Variants in RGS17 observed in about 807,000 individuals in gnomAD.
The protein encoded by RGS17 is regulator of G-protein signaling 17.
A neutral mutation model predicts 25.5 loss-of-function variants in RGS17; 12 were observed. That is an observed-to-expected ratio of 0.47 (90% CI 0.30 to 0.76). RGS17 has a LOEUF of 0.76. Ranked by LOEUF, RGS17 falls within the 30% of genes least tolerant of loss-of-function variation. RGS17 has a pLI of 0.07. For synonymous variants in RGS17, 71 were observed against 76.9 expected (o/e 0.92, Z 0.40); for missense variants, 196 against 242.2 (o/e 0.81, Z 1.27).
At chr6:153,090,379 G>A (rs1424219718) in intron 1 of RGS17, among the ~76,000 whole-genome samples, 12 of 151,018 alleles carry the variant, frequency 7.9e-5, no homozygotes, top group Admixed American at 5.9e-4. Context: ...TCAGGAGGCC[G>A]AGGCAGTAGG....
intron 1 of RGS17, among the ~76,000 whole-genome samples, chr6:153,088,442 A>G (rs1562330649): frequency 6.6e-6 from 1 of 152,132 alleles, no homozygotes; most frequent in Non-Finnish European, 1.5e-5. Context: ...AACTTGGCCA[A>G]TTATTCATAA....
intron 1 of RGS17, among the ~76,000 whole-genome samples, chr6:153,084,856 G>C (rs573854222): frequency 2.2e-4 from 33 of 152,294 alleles, no homozygotes; most frequent in African/African-American, 7.9e-4. Context: ...ATTCCAAATA[G>C]TGAAAATACG....
At chr6:153,088,449 A>C (rs891208147) in intron 1 of RGS17, among the ~76,000 whole-genome samples, 5 of 152,192 alleles carry the variant, frequency 3.3e-5, no homozygotes, top group Non-Finnish European at 7.3e-5. Context: ...CCAATTATTC[A>C]TAAGTTTACA....
At chr6:153,057,710 T>G (rs968881425) in intron 1 of RGS17, among the ~76,000 whole-genome samples, 3 of 152,230 alleles carry the variant, frequency 2.0e-5, no homozygotes, top group Non-Finnish European at 4.4e-5. Flanking sequence ...CTCACCATAA[T>G]GTAGAGTCAG....
intron 1 of RGS17, among the ~76,000 whole-genome samples, chr6:153,123,211 C>T (rs544336501): frequency 6.6e-6 from 1 of 152,070 alleles, no homozygotes; most frequent in East Asian, 1.9e-4. Context: ...TTTGATCATA[C>T]TAAACTCATA....
chr6:153,074,585 A>T (rs1163846710), intron 1 of RGS17, among the ~76,000 whole-genome samples: 1 of 152,200 alleles, frequency 6.6e-6, no homozygotes, highest in African/African-American at 2.4e-5. Flanking sequence ...AGATGGAATT[A>T]AAAAATGTTT....
chr6:153,022,292 G>T (rs1048632873), intron 4 of RGS17, among the ~76,000 whole-genome samples: 1 of 152,268 alleles, frequency 6.6e-6, no homozygotes, highest in South Asian at 2.1e-4. Flanking sequence ...AATCACTATT[G>T]TAACTCTAAA....
chr6:153,041,682 T>C (rs565465390), intron 2 of RGS17, among the ~76,000 whole-genome samples: 1 of 152,346 alleles, frequency 6.6e-6, no homozygotes, highest in African/African-American at 2.4e-5. Flanking sequence ...GAACCTGGTA[T>C]AGTGCAAATG....
At chr6:153,021,159 A>G (rs2129106588) in intron 4 of RGS17, among the ~76,000 whole-genome samples, 1 of 152,332 alleles carries the variant, frequency 6.6e-6, no homozygotes, top group Middle Eastern at 3.4e-3. Context: ...GTTGAGACTC[A>G]GAGGGGTAAA....
intron 4 of RGS17, among the ~76,000 whole-genome samples, chr6:153,020,111 A>ATATATATATATATATATAT (rs1554235102): frequency 2.7e-4 from 16 of 58,454 alleles, no homozygotes; most frequent in South Asian, 8.7e-4. Flanking sequence ...AAAAAAAAAA[A>ATATATATATATATATATAT]ATATATATAT....
intron 3 of RGS17, among the ~76,000 whole-genome samples, chr6:153,025,458 A>T (rs1779289672): frequency 6.6e-6 from 1 of 151,950 alleles, no homozygotes; most frequent in South Asian, 2.1e-4. Context: ...TTTAGTGACT[A>T]GGTGACTGCA....
At chr6:153,122,246 A>T (rs1393181280) in intron 1 of RGS17, among the ~76,000 whole-genome samples, 2 of 152,130 alleles carry the variant, frequency 1.3e-5, no homozygotes, top group Non-Finnish European at 2.9e-5. Flanking sequence ...CCCATAAATA[A>T]AAGGGGAAAC....
intron 1 of RGS17, among the ~76,000 whole-genome samples, chr6:153,126,158 G>A (rs934656631): frequency 6.6e-6 from 1 of 152,180 alleles, no homozygotes; most frequent in African/African-American, 2.4e-5. Context: ...ATTCTGATGA[G>A]AAATCAAATG....
At chr6:153,016,038 T>G (rs1431732055) in intron 4 of RGS17, among the ~76,000 whole-genome samples, 1 of 152,324 alleles carries the variant, frequency 6.6e-6, no homozygotes, top group African/African-American at 2.4e-5. Context: ...TGTCTGTAAC[T>G]GAACCTGCAG....
rs978226430 is a variant in RGS17, at chr6:153,005,649, C to T, written c.*5925G>A. On this transcript the variant is annotated 3_prime_UTR_variant, in exon 5 of 5. Coordinates refer to ENST00000206262, the MANE Select transcript of RGS17 (RefSeq NM_012419.5). ...GTTGTGTTCTTTCAAAAACCAAAAA[C>T]CTGTGTCTAGTCACGAGAAAAACAT... The T allele has an allele frequency of 2.6e-5, 4 of 152,134 alleles. No homozygotes were observed. The highest frequency in any genetic ancestry group is 7.2e-5 in the African/African-American group (3 of 41,420). 9.4% of individuals were successfully genotyped at this position (152,134 alleles called of 1,614,324 possible). A position where few individuals can be genotyped will look rare whatever the true frequency, so the allele number is the denominator to read the frequency against.
intron 4 of RGS17, among the ~76,000 whole-genome samples, chr6:153,019,311 A>G (rs1779215692): frequency 6.6e-6 from 1 of 152,020 alleles, no homozygotes; most frequent in South Asian, 2.1e-4. Flanking sequence ...ATTCAGATAC[A>G]TATCTTATAT....
chr6:153,127,939 C>T (rs1777726345), intron 1 of RGS17, among the ~76,000 whole-genome samples: 1 of 152,176 alleles, frequency 6.6e-6, no homozygotes, highest in South Asian at 2.1e-4. Context: ...GCCTTTGCCA[C>T]ATACTGTGCC....
At chr6:153,080,960 G>A (rs897312916) in intron 1 of RGS17, among the ~76,000 whole-genome samples, 1 of 151,400 alleles carries the variant, frequency 6.6e-6, no homozygotes, top group African/African-American at 2.4e-5. Flanking sequence ...AATATACTGT[G>A]TATATTTAAA....
intron 1 of RGS17, among the ~76,000 whole-genome samples, chr6:153,127,291 T>A (rs1036758733): frequency 8.5e-5 from 13 of 152,204 alleles, no homozygotes; most frequent in African/African-American, 3.1e-4. Flanking sequence ...GGGACCCCTG[T>A]TCTAGAATAT....
Sources: gnomAD v4.1 joint callset for allele counts (sites outside exome capture counted in the v4.1 genomes callset) on GRCh38, gnomAD v4.1.1 for gene constraint, MANE v1.5 for transcripts, NCBI Gene and HGNC (gene_info 2026-07-23, HGNC 2026-07-21) for gene names.